The following CALN1 variants were observed in gnomAD, a reference collection of about 807,000 sequenced individuals.
The protein encoded by CALN1 is calcium-binding protein 8.
In CALN1, 17 loss-of-function variants were observed where a neutral mutation model predicts 30.6. The ratio of observed to expected loss-of-function variants is 0.56; its 90% CI spans 0.38 to 0.83. The LOEUF is 0.83. CALN1 is among the 40% of genes least tolerant of loss of function. The pLI, the probability that CALN1 is intolerant of heterozygous loss-of-function variation, is 0.00. For synonymous variants in CALN1, 156 were observed against 131.4 expected (o/e 1.19, Z -1.28); for missense variants, 291 against 354.9 (o/e 0.82, Z 1.45).
intron 1 of CALN1, among the ~76,000 whole-genome samples, chr7:72,407,487 C>G (rs745992419): frequency 6.6e-6 from 1 of 152,148 alleles, no homozygotes; most frequent in Non-Finnish European, 1.5e-5. Context: ...CTCATGAGAT[C>G]TGGTTGTTGC....
At chr7:72,403,639 G>A (rs117613398) in intron 1 of CALN1, among the ~76,000 whole-genome samples, 197 bp from the exon 2 acceptor site, 355 of 152,328 alleles carry the variant, frequency 2.3e-3, no homozygotes, top group Admixed American at 5.3e-3. Context: ...TGTCACCAGA[G>A]GGTATTGCAC....
At chr7:72,356,831 G>C (rs192803503) in intron 2 of CALN1, among the ~76,000 whole-genome samples, 3 of 151,986 alleles carry the variant, frequency 2.0e-5, no homozygotes, top group Admixed American at 2.0e-4. Context: ...ATTTAGTCTG[G>C]GCATGTTGAA....
chr7:71,794,672 T>C (rs908363297), intron 6 of CALN1, among the ~76,000 whole-genome samples: 5 of 152,236 alleles, frequency 3.3e-5, no homozygotes, highest in African/African-American at 1.2e-4. Flanking sequence ...AATTTCATTC[T>C]TGCATCCCCT....
At chr7:71,924,214 AG>A (rs1212203473) in intron 5 of CALN1, among the ~76,000 whole-genome samples, 4 of 133,820 alleles carry the variant, frequency 3.0e-5, no homozygotes, top group Admixed American at 7.9e-5. Context: ...AAAAAAAAAA[AG>A]ATTAGGATTA....
intron 2 of CALN1, among the ~76,000 whole-genome samples, chr7:72,376,438 G>A (rs1256735389): frequency 6.6e-6 from 1 of 152,112 alleles, no homozygotes; most frequent in Non-Finnish European, 1.5e-5. Flanking sequence ...TATTATTGTG[G>A]TTTTGATTTG....
At chr7:72,355,976 TA>T (rs1300925411) in intron 2 of CALN1, among the ~76,000 whole-genome samples, 3 of 152,064 alleles carry the variant, frequency 2.0e-5, no homozygotes, top group Non-Finnish European at 4.4e-5. Flanking sequence ...AATGAAGCCT[TA>T]AAAAAAATTA....
intron 2 of CALN1, among the ~76,000 whole-genome samples, chr7:72,329,940 C>G (rs1176698173): frequency 6.6e-6 from 1 of 151,340 alleles, no homozygotes. Flanking sequence ...GGCAACAGAG[C>G]AAGACTCCGT....
intron 3 of CALN1, among the ~76,000 whole-genome samples, chr7:72,151,194 A>G (rs1787216584): frequency 6.6e-6 from 1 of 152,084 alleles, no homozygotes; most frequent in Non-Finnish European, 1.5e-5. Flanking sequence ...TCAAGGTTAT[A>G]TGTAGGGTTG....
chr7:72,006,218 G>A (rs771139611), intron 5 of CALN1, among the ~76,000 whole-genome samples: 5 of 152,084 alleles, frequency 3.3e-5, no homozygotes, highest in Admixed American at 1.3e-4. Context: ...TTTCTTCCAG[G>A]AAAAATAAGA....
intron 4 of CALN1, among the ~76,000 whole-genome samples, chr7:72,043,462 TAACCA>T (rs1802259432): frequency 6.6e-6 from 1 of 152,180 alleles, no homozygotes; most frequent in African/African-American, 2.4e-5. Flanking sequence ...AAATATCAGT[TAACCA>T]TAGCAGAGTA....
intron 3 of CALN1, among the ~76,000 whole-genome samples, chr7:72,197,178 C>CTTGT (rs1791079074): frequency 1.6e-5 from 1 of 64,208 alleles, no homozygotes; most frequent in African/African-American, 6.2e-5. Context: ...GGAAGGTTTG[C>CTTGT]TTTTTTTTTT....
chr7:72,306,836 C>T (rs1799687598), intron 2 of CALN1, among the ~76,000 whole-genome samples: 1 of 152,102 alleles, frequency 6.6e-6, no homozygotes, highest in Non-Finnish European at 1.5e-5. Context: ...CTCAGGACCT[C>T]TTGAGGGCTT....
chr7:72,234,528 C>A (rs1420546996), intron 3 of CALN1, among the ~76,000 whole-genome samples: 8 of 152,134 alleles, frequency 5.3e-5, no homozygotes, highest in Non-Finnish European at 1.2e-4. Context: ...CTCACTGCAA[C>A]CTCTGCCTCC....
At chr7:72,246,115 T>C (rs1169272578) in intron 3 of CALN1, among the ~76,000 whole-genome samples, 3 of 152,204 alleles carry the variant, frequency 2.0e-5, no homozygotes, top group African/African-American at 7.2e-5. Context: ...TTTATTATGA[T>C]AACATCTTTC....
intron 4 of CALN1, among the ~76,000 whole-genome samples, chr7:72,082,622 A>C (rs1391868383): frequency 6.6e-6 from 1 of 152,218 alleles, no homozygotes; most frequent in Admixed American, 6.5e-5. Flanking sequence ...ACTATAAAGC[A>C]TAAAGACATC....
chr7:72,335,558 T>C (rs1353968570), intron 2 of CALN1, among the ~76,000 whole-genome samples: 1 of 152,112 alleles, frequency 6.6e-6, no homozygotes, highest in East Asian at 1.9e-4. Context: ...GGCGCTAAGC[T>C]GCTATTCCCT....
chr7:72,428,367 A>AT (rs368444741), intron 1 of CALN1, among the ~76,000 whole-genome samples: 92 of 148,452 alleles, frequency 6.2e-4, no homozygotes, highest in East Asian at 3.8e-3. Flanking sequence ...GCACAGATTG[A>AT]TTTTTTTTTT....
At chr7:72,402,401 C>T (rs1806399756) in intron 2 of CALN1, among the ~76,000 whole-genome samples, 1 of 152,166 alleles carries the variant, frequency 6.6e-6, no homozygotes, top group African/African-American at 2.4e-5. Flanking sequence ...ACTCACTGCC[C>T]CCACCATATA....
intron 4 of CALN1, among the ~76,000 whole-genome samples, chr7:72,089,068 T>C (rs1447822937): frequency 6.6e-6 from 1 of 152,096 alleles, no homozygotes; most frequent in East Asian, 1.9e-4. Flanking sequence ...TAAGTGTTTC[T>C]AATATTATTA....
Sources: allele counts gnomAD v4.1 joint callset (sites outside exome capture counted in the v4.1 genomes callset), GRCh38; gene constraint gnomAD v4.1.1; transcripts MANE v1.5; gene names NCBI Gene and HGNC (gene_info 2026-07-23, HGNC 2026-07-21).